The following NPAS3 variants were observed in gnomAD, a reference collection of about 807,000 sequenced individuals.
NPAS3 encodes neuronal PAS domain protein 3.
A neutral mutation model predicts 73.1 loss-of-function variants in NPAS3; 14 were observed. The observed-to-expected ratio is 0.19, with a 90% CI of 0.13 to 0.30. The LOEUF (loss-of-function observed/expected upper bound fraction) is 0.30. Among genes scored for constraint, NPAS3 ranks in the 10% least tolerant of loss-of-function variants. The pLI is 1.00. For missense variants in NPAS3, 1,096 were observed against 1,250.0 expected (o/e 0.88, Z 1.86); for synonymous variants, 620 against 541.5 (o/e 1.14, Z -2.01).
intron 2 of NPAS3, among the ~76,000 whole-genome samples, chr14:33,171,743 C>T (rs1446874369): frequency 6.6e-6 from 1 of 152,168 alleles, no homozygotes; most frequent in East Asian, 1.9e-4. Flanking sequence ...CTTAAAAGAA[C>T]TTTTCCTTTG....
At chr14:33,348,783 G>A (rs2044877292) in intron 3 of NPAS3, among the ~76,000 whole-genome samples, 4 of 152,130 alleles carry the variant, frequency 2.6e-5, no homozygotes, top group Admixed American at 2.6e-4. Flanking sequence ...TCTTCTATGG[G>A]GTTGTAATCG....
chr14:33,699,270 C>G (rs1300786979), intron 6 of NPAS3, among the ~76,000 whole-genome samples: 1 of 151,700 alleles, frequency 6.6e-6, no homozygotes, highest in Non-Finnish European at 1.5e-5. Context: ...TAATTAAAAC[C>G]AACCAATTAA....
intron 5 of NPAS3, among the ~76,000 whole-genome samples, chr14:33,591,349 CACAA>C (rs1321387775): frequency 1.3e-5 from 2 of 152,194 alleles, no homozygotes; most frequent in East Asian, 1.9e-4. Flanking sequence ...ACAAGCTCCA[CACAA>C]ACAATTATAC....
intron 4 of NPAS3, among the ~76,000 whole-genome samples, chr14:33,503,507 G>A (rs1000031800): frequency 1.5e-4 from 23 of 151,952 alleles, no homozygotes; most frequent in African/African-American, 5.1e-4. Context: ...ATTCCACAGC[G>A]CCAGTGTGCT....
chr14:33,720,065 A>G (rs1272146266), intron 6 of NPAS3, among the ~76,000 whole-genome samples: 1 of 152,216 alleles, frequency 6.6e-6, no homozygotes, highest in African/African-American at 2.4e-5. Flanking sequence ...GATAGTCATT[A>G]CAATAATAAT....
downstream of NPAS3, chr14:33,801,977 C>T (rs186519899): frequency 1.3e-5 from 2 of 152,210 alleles, no homozygotes; most frequent in Admixed American, 1.3e-4. Context: ...TTTTACCTCC[C>T]AACTAACAAA....
chr14:33,219,739 A>G (rs562620014), intron 3 of NPAS3, among the ~76,000 whole-genome samples: 2 of 152,166 alleles, frequency 1.3e-5, no homozygotes, highest in Non-Finnish European at 2.9e-5. Flanking sequence ...ATTTATTTTA[A>G]ATCATCGTGT....
chr14:33,130,299 A>G (rs2043587716), intron 2 of NPAS3, among the ~76,000 whole-genome samples: 1 of 152,140 alleles, frequency 6.6e-6, no homozygotes, highest in Non-Finnish European at 1.5e-5. Flanking sequence ...TCATTTGTAG[A>G]CTTAGACCCA....
intron 7 of NPAS3, among the ~76,000 whole-genome samples, chr14:33,753,429 G>A (rs191577949): frequency 1.5e-4 from 23 of 151,186 alleles, no homozygotes; most frequent in African/African-American, 4.4e-4. Context: ...AGCCTTTCAC[G>A]TGTAACTGCA....
intron 6 of NPAS3, among the ~76,000 whole-genome samples, chr14:33,694,012 T>C (rs1241369975): frequency 6.6e-6 from 1 of 152,188 alleles, no homozygotes; most frequent in Non-Finnish European, 1.5e-5. Flanking sequence ...CACTGTTTTT[T>C]TTCAAGGACA....
chr14:33,187,657 G>A (rs1301396444), intron 2 of NPAS3, among the ~76,000 whole-genome samples: 1 of 152,178 alleles, frequency 6.6e-6, no homozygotes, highest in Non-Finnish European at 1.5e-5. Context: ...GATGGCACCT[G>A]TGAATAGCCA....
At chr14:33,661,542 T>C (rs1254125395) in intron 5 of NPAS3, among the ~76,000 whole-genome samples, 2 of 152,212 alleles carry the variant, frequency 1.3e-5, no homozygotes, top group African/African-American at 4.8e-5. Flanking sequence ...GTACAATGAA[T>C]ATTACAATAC....
chr14:33,495,938 AATAG>A (rs1342407432), intron 4 of NPAS3, among the ~76,000 whole-genome samples: 2 of 152,100 alleles, frequency 1.3e-5, no homozygotes, highest in East Asian at 1.9e-4. Context: ...AGATTAACAA[AATAG>A]ATAGACTGCT....
rs140721647 is a variant in NPAS3, at chr14:33,402,371, G to A, written c.468+35103G>A. On this transcript the variant is annotated intron_variant, in intron 4 of 11. Transcript: ENST00000356141. The stretch of plus-strand genomic sequence containing the variant: ...AAATAATGTGACCACTGAGAAATGG[G>A]TTGGAAAAGCGGTACTTTTTGGATC... Among the ~76,000 whole-genome samples, 8 of 152,172 alleles carry A rather than the reference G, an allele frequency of 5.3e-5. No homozygotes were observed. The East Asian group carries it at 1.6e-3, about 30-fold the overall frequency.
At chr14:33,059,647 A>G (rs2041021821) in intron 2 of NPAS3, among the ~76,000 whole-genome samples, 1 of 152,212 alleles carries the variant, frequency 6.6e-6, no homozygotes, top group Admixed American at 6.5e-5. Context: ...TTTCGCAAAC[A>G]CATCTGTAAA....
chr14:33,402,456 T>C (rs1404917417), intron 4 of NPAS3, among the ~76,000 whole-genome samples: 2 of 152,058 alleles, frequency 1.3e-5, no homozygotes, highest in African/African-American at 4.8e-5. Flanking sequence ...AATTGAATGG[T>C]GTGAGGGACA....
intron 4 of NPAS3, among the ~76,000 whole-genome samples, chr14:33,464,274 GCATGTGTATGAAA>G (rs2050406943): frequency 6.6e-6 from 1 of 152,200 alleles, no homozygotes; most frequent in African/African-American, 2.4e-5. Flanking sequence ...AGTGAAGCTA[GCATGTGTATGAAA>G]GGTTCATTAT....
At chr14:33,441,032 G>A (rs938583613) in intron 4 of NPAS3, among the ~76,000 whole-genome samples, 3 of 152,194 alleles carry the variant, frequency 2.0e-5, no homozygotes, top group Admixed American at 6.5e-5. Flanking sequence ...ACTGTCCTTA[G>A]ATTCCTCTTC....
intron 1 of NPAS3, among the ~76,000 whole-genome samples, chr14:33,025,394 A>G (rs1291877043): frequency 2.0e-5 from 3 of 152,208 alleles, no homozygotes; most frequent in Non-Finnish European, 4.4e-5. Flanking sequence ...TGAAGCACAC[A>G]GTAGGTATCA....
Sources: allele counts gnomAD v4.1 joint callset (sites outside exome capture counted in the v4.1 genomes callset), GRCh38; gene constraint gnomAD v4.1.1; transcripts MANE v1.5; gene names NCBI Gene and HGNC (gene_info 2026-07-23, HGNC 2026-07-21).